KCTD2: variants seen among roughly 807,000 people sequenced by gnomAD.
The protein encoded by KCTD2 is BTB/POZ domain-containing protein KCTD2.
A neutral mutation model predicts 27.9 loss-of-function variants in KCTD2; 18 were observed. The observed-to-expected ratio is 0.64, with a 90% confidence interval of 0.45 to 0.96. KCTD2 has a LOEUF of 0.96. Among genes scored for constraint, KCTD2 ranks in the 40% least tolerant of loss-of-function variants. The probability of loss-of-function intolerance (pLI) is 0.00; values close to 1 mark genes in which losing one functional copy is unlikely to be tolerated. For synonymous variants in KCTD2, 175 were observed against 148.4 expected (o/e 1.18, Z -1.30); for missense variants, 280 against 348.0 (o/e 0.80, Z 1.56).
chr17:75,062,414 C>T (rs918581495), intron 5 of KCTD2, among the ~76,000 whole-genome samples, 169 bp downstream of exon 5: 1 of 152,042 alleles, frequency 6.6e-6, no homozygotes, highest in African/African-American at 2.4e-5. Flanking sequence ...TTGGGATTTA[C>T]GGAGCACTGA....
intron 3 of KCTD2, chr17:75,040,103 C>T: frequency 6.2e-7 from 1 of 1,613,388 alleles, no homozygotes; most frequent in Non-Finnish European, 8.5e-7. Flanking sequence ...TCTTCTTTTT[C>T]TTCGGCATCC....
upstream of KCTD2, among the ~76,000 whole-genome samples, chr17:75,046,520 G>A (rs539328890): frequency 6.6e-6 from 1 of 152,338 alleles, no homozygotes; most frequent in African/African-American, 2.4e-5. Flanking sequence ...CGCTCTATAC[G>A]TTCGAATCCT....
chr17:75,057,110 C>T (rs2073358324), intron 3 of KCTD2, among the ~76,000 whole-genome samples: 1 of 151,794 alleles, frequency 6.6e-6, no homozygotes, highest in Non-Finnish European at 1.5e-5. Context: ...TGCACCACCA[C>T]GCCCGGCTAA....
chr17:75,053,072 A>C lies in KCTD2; in HGVS notation c.507A>C (p.Glu169Asp). ...NIASLVRLVK[E>D]RIRDNENRTS... The stretch of plus-strand genomic sequence containing the variant: ...CGTCCCTTGTGCGGCTGGTTAAGGA[A>C]AGGATACGGGACAATGAGAACAGAA... Residue 169 changes from glutamate (E) to aspartate (D), a missense_variant, in exon 3 of 6, where the codon GAA (glutamate) becomes GAC (aspartate). Glu to Asp is a conservative substitution (Grantham distance 45). Transcript: ENST00000322444. 1.2e-6 allele frequency: 2 copies of C among 1,614,084 alleles called. No individual in the cohort carries two copies. Among genetic ancestry groups the C allele is most frequent in the Non-Finnish European group, 1.7e-6 (2 of 1,179,950 alleles).
At chr17:75,052,490 G>A (rs538599643) in intron 2 of KCTD2, among the ~76,000 whole-genome samples, 1 of 152,368 alleles carries the variant, frequency 6.6e-6, no homozygotes, top group South Asian at 2.1e-4. Flanking sequence ...GGGAGGCCAA[G>A]GCAGATGGAT....
At chr17:75,044,452 G>T (rs985257802), upstream of KCTD2, among the ~76,000 whole-genome samples, 17 of 108,212 alleles carry the variant, frequency 1.6e-4, 2 homozygotes, top group Admixed American at 1.1e-3. Context: ...TGATCCACCC[G>T]CCTCGGCCTC....
In KCTD2 at chr17:75,052,905, A is replaced by G. The variant is rs79744180; in HGVS notation, c.449-109A>G. ...TAAGACTCCGTCTCAAAAAATAAGT[A>G]AATAAATAAATAAGCAGTTTTTAGC... On this transcript the variant is annotated intron_variant, in intron 2 of 5. Coordinates refer to ENST00000322444, the MANE Select transcript of KCTD2 (RefSeq NM_015353.3). 10,469 of 824,672 alleles carry G rather than the reference A, an allele frequency of 0.013. 706 individuals are homozygous for G. The African/African-American group carries it at 0.15, about 12-fold the overall frequency. 51.1% of individuals were successfully genotyped at this position (824,672 alleles called of 1,614,324 possible).
At chr17:75,061,597 C>T (rs1392559693) in intron 4 of KCTD2, among the ~76,000 whole-genome samples, 1 of 152,180 alleles carries the variant, frequency 6.6e-6, no homozygotes, top group Non-Finnish European at 1.5e-5. Context: ...CTACAGTGAG[C>T]TGTGATTGCA....
upstream of KCTD2, chr17:75,047,224 C>T (rs1340777286): frequency 5.0e-5 from 39 of 781,844 alleles, no homozygotes; most frequent in Non-Finnish European, 6.5e-5. Context: ...TGCGCGCGGG[C>T]AGCAGCGGTG....
chr17:75,059,792 G>A (rs1286199180), intron 4 of KCTD2, among the ~76,000 whole-genome samples, 187 bp downstream of exon 4: 1 of 152,190 alleles, frequency 6.6e-6, no homozygotes, highest in Non-Finnish European at 1.5e-5. Flanking sequence ...TGAGGAGTTG[G>A]GGAAACAGAG....
At chr17:75,053,227 T>G in intron 3 of KCTD2, 122 bp downstream of exon 3, 1 of 741,446 alleles carries the variant, frequency 1.3e-6, no homozygotes, top group Non-Finnish European at 2.4e-6. Context: ...CCGTTTGCAG[T>G]GCAGGGAATG....
intron 3 of KCTD2, among the ~76,000 whole-genome samples, chr17:75,037,997 C>T (rs1419712636): frequency 6.6e-6 from 1 of 151,480 alleles, no homozygotes; most frequent in African/African-American, 2.4e-5. Context: ...TGCAGTGAGC[C>T]GAGATCGTCC....
At chr17:75,038,308 A>C (rs766531599) in intron 3 of KCTD2, among the ~76,000 whole-genome samples, 16 of 151,766 alleles carry the variant, frequency 1.1e-4, no homozygotes, top group Non-Finnish European at 2.1e-4. Flanking sequence ...ACGCCTGGCT[A>C]ATTTCTGCAT....
In KCTD2 at chr17:75,064,442, G is replaced by A. The variant is rs753294042; in HGVS notation, c.*1395G>A. The A allele has an allele frequency of 5.3e-5, 8 of 152,254 alleles. No individual in the cohort carries two copies. The highest frequency in any genetic ancestry group is 1.0e-4 in the Non-Finnish European group (7 of 68,054). 9.4% of individuals were successfully genotyped at this position (152,254 alleles called of 1,614,324 possible). ...CAGGTGCTCCTGGGCACCTTCAGAAGTGATGTCCTGTGTGCTCCACAGCTC... is the reference window on the plus strand; with the variant it reads ...CAGGTGCTCCTGGGCACCTTCAGAAATGATGTCCTGTGTGCTCCACAGCTC... On this transcript the variant is annotated 3_prime_UTR_variant, in exon 6 of 6. Transcript: ENST00000322444.
intron 4 of KCTD2, 55 bp from the exon 5 acceptor site, chr17:75,062,065 T>C (rs1214756939): frequency 1.9e-6 from 3 of 1,607,604 alleles, no homozygotes; most frequent in Non-Finnish European, 8.5e-7. Context: ...TGTAGCACTT[T>C]CGAAAGTATG....
chr17:75,038,640 A>G (rs1279183068), intron 3 of KCTD2, among the ~76,000 whole-genome samples: 1 of 152,206 alleles, frequency 6.6e-6, no homozygotes, highest in Non-Finnish European at 1.5e-5. Context: ...ATTCTTTACT[A>G]CATCACAGTG....
At chr17:75,037,620 C>T (rs922564097) in intron 3 of KCTD2, among the ~76,000 whole-genome samples, 1 of 152,210 alleles carries the variant, frequency 6.6e-6, no homozygotes, top group African/African-American at 2.4e-5. Context: ...CTTTCTACCA[C>T]CATACTTTTT....
chr17:75,037,361 A>G (rs8064912), intron 3 of KCTD2, among the ~76,000 whole-genome samples: 3,840 of 151,510 alleles, frequency 0.025, 161 homozygotes, highest in African/African-American at 0.088. Context: ...AAAAAAAAAA[A>G]AAAGAAATGG....
Position 75,064,259 on chromosome 17 carries a change from C to CT in KCTD2, c.*1215dup, listed in dbSNP as rs1256376526. 6.6e-6 allele frequency: 1 copy of CT among 152,280 alleles called. No homozygotes were observed. The highest frequency in any genetic ancestry group is 1.5e-5 in the Non-Finnish European group (1 of 68,070). The allele number at this position is 152,280 out of a possible 1,614,324, so 9.4% of individuals were successfully genotyped here. A position where few individuals can be genotyped will look rare whatever the true frequency, so the allele number is the denominator to read the frequency against. On this transcript the variant is annotated 3_prime_UTR_variant, in exon 6 of 6. Transcript: ENST00000322444. ...TGCATCCACAGAGTTTGTGTCCACA[C>CT]TTTCTCTCCGAGCATGTGGGTCTCG...
Sources: allele counts gnomAD v4.1 joint callset (sites outside exome capture counted in the v4.1 genomes callset), GRCh38; gene constraint gnomAD v4.1.1; transcripts MANE v1.5; gene names NCBI Gene and HGNC (gene_info 2026-07-23, HGNC 2026-07-21).